Variants in NELL1 observed in about 807,000 individuals in gnomAD.
NELL1 encodes the protein protein kinase C-binding protein NELL1.
In NELL1, 76 loss-of-function variants were observed where a neutral mutation model predicts 107.4. That is an observed-to-expected ratio of 0.71 (90% CI 0.59 to 0.86). NELL1 has a LOEUF of 0.86. Ranked by LOEUF, NELL1 falls within the 40% of genes least tolerant of loss-of-function variation. The probability of loss-of-function intolerance (pLI) is 0.00; values close to 1 mark genes in which losing one functional copy is unlikely to be tolerated. For synonymous variants in NELL1, 353 were observed against 341.2 expected, an observed-to-expected ratio of 1.03 and a Z score of -0.38; for missense variants, 1,024 against 1,005.5, an observed-to-expected ratio of 1.02 and a Z score of -0.25.
At chr11:21,329,147 C>A (rs2133682246) in intron 14 of NELL1, among the ~76,000 whole-genome samples, 1 of 152,266 alleles carries the variant, frequency 6.6e-6, no homozygotes, top group Admixed American at 6.5e-5. Context: ...TTACCCAAAT[C>A]TCATCTTGTA....
At chr11:21,541,119 G>A (rs894309825) in intron 16 of NELL1, among the ~76,000 whole-genome samples, 4 of 151,938 alleles carry the variant, frequency 2.6e-5, no homozygotes, top group Non-Finnish European at 5.9e-5. Flanking sequence ...AATTGTATTG[G>A]TTGTGTTATT....
At chr11:21,485,372 G>T (rs1338793959) in intron 15 of NELL1, among the ~76,000 whole-genome samples, 1 of 152,018 alleles carries the variant, frequency 6.6e-6, no homozygotes, top group African/African-American at 2.4e-5. Context: ...ATAGCTGTCT[G>T]CCTATTCTCC....
intron 13 of NELL1, among the ~76,000 whole-genome samples, chr11:21,201,182 C>T (rs1857261645): frequency 6.6e-6 from 1 of 152,128 alleles, no homozygotes; most frequent in Admixed American, 6.6e-5. Flanking sequence ...TCAATGATAG[C>T]TTGATGGGGA....
intron 12 of NELL1, among the ~76,000 whole-genome samples, chr11:21,060,984 C>T (rs1853727255): frequency 2.0e-5 from 3 of 152,212 alleles, no homozygotes; most frequent in African/African-American, 7.2e-5. Flanking sequence ...ATCCGCCTGC[C>T]TCGGCATCCC....
chr11:20,997,991 A>C (rs1720692474), intron 12 of NELL1, among the ~76,000 whole-genome samples: 1 of 152,026 alleles, frequency 6.6e-6, no homozygotes, highest in Non-Finnish European at 1.5e-5. Flanking sequence ...AAACAAACAA[A>C]AAATGAATAA....
chr11:20,788,717 A>AT (rs1433383365), intron 3 of NELL1, among the ~76,000 whole-genome samples: 15 of 150,598 alleles, frequency 1.0e-4, no homozygotes, highest in Admixed American at 6.6e-4. Context: ...TTTATTTTTT[A>AT]TTTTTTGTGA....
At chr11:20,696,463 C>T (rs1273468751) in intron 2 of NELL1, among the ~76,000 whole-genome samples, 1 of 152,058 alleles carries the variant, frequency 6.6e-6, no homozygotes, top group Non-Finnish European at 1.5e-5. Flanking sequence ...TATAAGCCTT[C>T]TTCTTAACAC....
At chr11:20,927,854 T>G (rs2134172590) in intron 8 of NELL1, among the ~76,000 whole-genome samples, 1 of 152,344 alleles carries the variant, frequency 6.6e-6, no homozygotes, top group South Asian at 2.1e-4. Context: ...ATCACCTGTT[T>G]CAAATAATTG....
intron 14 of NELL1, among the ~76,000 whole-genome samples, chr11:21,370,630 A>G (rs564307660): frequency 6.6e-6 from 1 of 152,206 alleles, no homozygotes; most frequent in Non-Finnish European, 1.5e-5. Context: ...TGCCAGCCCT[A>G]TGCTAAACAT....
intron 14 of NELL1, chr11:21,260,257 G>A (rs1565134904): frequency 6.7e-6 from 1 of 149,556 alleles, no homozygotes; most frequent in Non-Finnish European, 1.5e-5. Flanking sequence ...CAAGGTAATA[G>A]GTAAGTGTTA....
At chr11:21,228,515 C>A (rs927657283) in intron 13 of NELL1, among the ~76,000 whole-genome samples, 4 of 152,166 alleles carry the variant, frequency 2.6e-5, no homozygotes, top group African/African-American at 9.7e-5. Flanking sequence ...TCAGCACAAT[C>A]CTGTGCTCGC....
chr11:21,060,048 C>A (rs1853702471), intron 12 of NELL1, among the ~76,000 whole-genome samples: 1 of 152,128 alleles, frequency 6.6e-6, no homozygotes. Flanking sequence ...GCTAATGAAC[C>A]ACATGGGGTT....
At chr11:21,204,245 C>G (rs1426550550) in intron 13 of NELL1, among the ~76,000 whole-genome samples, 1 of 152,140 alleles carries the variant, frequency 6.6e-6, no homozygotes, top group Non-Finnish European at 1.5e-5. Flanking sequence ...TTCAGGTACA[C>G]CAATCAAATG....
intron 4 of NELL1, among the ~76,000 whole-genome samples, chr11:20,873,832 C>T (rs1379406172): frequency 1.3e-5 from 2 of 150,596 alleles, no homozygotes; most frequent in Non-Finnish European, 2.9e-5. Context: ...GGTGCAGTCA[C>T]AGCTCACCGC....
At chr11:20,825,272 A>G (rs1490665274) in intron 3 of NELL1, among the ~76,000 whole-genome samples, 1 of 151,420 alleles carries the variant, frequency 6.6e-6, no homozygotes, top group Non-Finnish European at 1.5e-5. Context: ...CTCCACACAC[A>G]ATCCCCACTG....
chr11:20,704,712 T>C, intron 2 of NELL1, among the ~76,000 whole-genome samples: 1 of 152,162 alleles, frequency 6.6e-6, no homozygotes, highest in African/African-American at 2.4e-5. Flanking sequence ...GGTGACAAAA[T>C]CTCTCAGCAT....
At chr11:20,796,887 G>A (rs1277318423) in intron 3 of NELL1, among the ~76,000 whole-genome samples, 1 of 152,180 alleles carries the variant, frequency 6.6e-6, no homozygotes, top group Non-Finnish European at 1.5e-5. Context: ...TGCTTAATAT[G>A]TTAAATAGAA....
At chr11:20,817,834 A>AT (rs34729354) in intron 3 of NELL1, among the ~76,000 whole-genome samples, 11 of 151,024 alleles carry the variant, frequency 7.3e-5, no homozygotes, top group African/African-American at 2.7e-4. Context: ...TGTTTTAAAG[A>AT]TTTTTTTTTT....
intron 15 of NELL1, among the ~76,000 whole-genome samples, chr11:21,436,727 T>C (rs989380232): frequency 2.0e-5 from 3 of 152,188 alleles, no homozygotes. Context: ...ATTGCTAGGT[T>C]ATTTGAAATC....
Sources: allele counts gnomAD v4.1 joint callset (sites outside exome capture counted in the v4.1 genomes callset), GRCh38; gene constraint gnomAD v4.1.1; transcripts MANE v1.5; gene names NCBI Gene and HGNC (gene_info 2026-07-23, HGNC 2026-07-21).